Variants in TSPAN5 observed in about 807,000 individuals in gnomAD.
TSPAN5 encodes tetraspanin 5.
Under a neutral mutation model 37.1 loss-of-function variants are expected in TSPAN5, and 10 were observed. The observed-to-expected ratio is 0.27, with a 90% CI of 0.17 to 0.46. The LOEUF (loss-of-function observed/expected upper bound fraction) is 0.46, where lower values mean the gene tolerates loss of function less well. Among genes scored for constraint, TSPAN5 ranks in the 20% least tolerant of loss-of-function variants. The probability of loss-of-function intolerance (pLI) is 1.00; values close to 1 mark genes in which losing one functional copy is unlikely to be tolerated. For synonymous variants in TSPAN5, 110 were observed against 118.9 expected, an observed-to-expected ratio of 0.93 and a Z score of 0.48; for missense variants, 195 against 326.6, an observed-to-expected ratio of 0.60 and a Z score of 3.11.
intron 1 of TSPAN5, among the ~76,000 whole-genome samples, chr4:98,639,174 CGGG>C (rs1167143468): frequency 6.6e-6 from 1 of 152,172 alleles, no homozygotes; most frequent in Non-Finnish European, 1.5e-5. Flanking sequence ...ACTATCCTTA[CGGG>C]GTTCTTGGTC....
intron 2 of TSPAN5, among the ~76,000 whole-genome samples, chr4:98,493,610 G>A (rs1242846220): frequency 2.0e-5 from 3 of 152,190 alleles, no homozygotes; most frequent in African/African-American, 7.2e-5. Flanking sequence ...AGAATGCTAT[G>A]TGGGAAGAAT....
intron 1 of TSPAN5, among the ~76,000 whole-genome samples, chr4:98,530,010 G>C (rs140003213): frequency 6.6e-5 from 10 of 152,330 alleles, no homozygotes; most frequent in African/African-American, 2.4e-4. Context: ...AGTTTCTGCA[G>C]CCTTGACTTC....
chr4:98,604,991 A>G (rs1288434033), intron 1 of TSPAN5, among the ~76,000 whole-genome samples: 1 of 152,178 alleles, frequency 6.6e-6, no homozygotes, highest in Non-Finnish European at 1.5e-5. Context: ...TAGATCCCAA[A>G]CTGAATTCAC....
intron 1 of TSPAN5, among the ~76,000 whole-genome samples, chr4:98,600,009 C>A (rs1471609679): frequency 6.6e-6 from 1 of 152,144 alleles, no homozygotes; most frequent in East Asian, 1.9e-4. Context: ...CATTCTAGAC[C>A]ACAGTACTAA....
At position 98,618,474 on chromosome 4, in the gene TSPAN5, G is replaced by A. The variant is rs149085681; in HGVS notation, c.81+39672C>T. Reference sequence around the variant, plus strand: ...CAATTACATTTGTATAATAGCAGTCGTAATAACTAATATTGATTGAGCTTC... The same window carrying A: ...CAATTACATTTGTATAATAGCAGTCATAATAACTAATATTGATTGAGCTTC... On this transcript the variant is annotated intron_variant, in intron 1 of 7. Transcript: ENST00000305798. Among the ~76,000 whole-genome samples, 9 of 152,246 alleles carry A rather than the reference G, an allele frequency of 5.9e-5. No homozygotes were observed. The East Asian group carries it at 7.7e-4, about 13-fold the overall frequency.
At chr4:98,525,427 C>T (rs570839261) in intron 1 of TSPAN5, among the ~76,000 whole-genome samples, 4 of 152,282 alleles carry the variant, frequency 2.6e-5, no homozygotes, top group African/African-American at 9.6e-5. Flanking sequence ...CGGTCCCTGT[C>T]TGAGTGAGTG....
intron 1 of TSPAN5, among the ~76,000 whole-genome samples, chr4:98,558,414 T>C (rs1250895826): frequency 6.6e-6 from 1 of 152,256 alleles, no homozygotes; most frequent in Admixed American, 6.5e-5. Flanking sequence ...AGTAAATCCA[T>C]ACTGAATTTA....
Position 98,647,758 on chromosome 4 carries a change from C to T in TSPAN5, c.81+10388G>A, listed in dbSNP as rs181635845. ...AAAAATTATACCTTGTGATTCATAA[C>T]TAACAATCCTCTATGTACATATGGA... On this transcript the variant is annotated intron_variant, in intron 1 of 7. Transcript: ENST00000305798. Among the ~76,000 whole-genome samples the T allele has an allele frequency of 3.0e-3, 456 of 152,096 alleles. 3 individuals carry two copies. The highest frequency in any genetic ancestry group is 0.01 in the African/African-American group (432 of 41,494).
At chr4:98,567,315 C>T (rs1755026984) in intron 1 of TSPAN5, among the ~76,000 whole-genome samples, 1 of 152,158 alleles carries the variant, frequency 6.6e-6, no homozygotes, top group African/African-American at 2.4e-5. Flanking sequence ...AAAATAAACA[C>T]TGTTTTTAAC....
At chr4:98,649,458 T>G (rs1035711144) in intron 1 of TSPAN5, among the ~76,000 whole-genome samples, 1 of 152,008 alleles carries the variant, frequency 6.6e-6, no homozygotes, top group African/African-American at 2.4e-5. Flanking sequence ...TTTAATAGAG[T>G]TCACTTGAAA....
chr4:98,657,605 C>T (rs1757318709), intron 1 of TSPAN5: 1 of 172,470 alleles, frequency 5.8e-6, no homozygotes, highest in African/African-American at 2.4e-5. Context: ...ATTACAGGAC[C>T]ATATACCACG....
intron 1 of TSPAN5, among the ~76,000 whole-genome samples, chr4:98,563,500 A>G (rs1189277204): frequency 6.6e-6 from 1 of 152,132 alleles, no homozygotes; most frequent in Non-Finnish European, 1.5e-5. Context: ...TGGCTCATAC[A>G]TTTGAGGCCT....
chr4:98,574,704 C>G (rs995057299), intron 1 of TSPAN5: 1 of 152,184 alleles, frequency 6.6e-6, no homozygotes, highest in Non-Finnish European at 1.5e-5. Context: ...AATGGGAATG[C>G]CATCTCCTCA....
chr4:98,561,706 A>G (rs2110169360), intron 1 of TSPAN5, among the ~76,000 whole-genome samples: 1 of 152,364 alleles, frequency 6.6e-6, no homozygotes, highest in Middle Eastern at 3.4e-3. Context: ...AAGTGTTTCC[A>G]TGCTTGTGTG....
chr4:98,585,370 C>T (rs189597124), intron 1 of TSPAN5, among the ~76,000 whole-genome samples: 28 of 152,026 alleles, frequency 1.8e-4, no homozygotes, highest in African/African-American at 6.0e-4. Flanking sequence ...AGTGCAGTGG[C>T]GCAATCTTGG....
chr4:98,573,536 C>T lies in TSPAN5; in HGVS notation c.82-65808G>A, dbSNP rs143039353. The stretch of plus-strand genomic sequence containing the variant: ...CAGGCTTGAGCCACCATGGCCCAGC[C>T]GAAATACCAACTTTTAAATCATAGT... On this transcript the variant is annotated intron_variant, in intron 1 of 7. Transcript: ENST00000305798. 7.2e-4 allele frequency among the ~76,000 whole-genome samples: 109 copies of T among 152,244 alleles called. 1 individual carries two copies. Among genetic ancestry groups the T allele is most frequent in the African/African-American group, 2.4e-3 (99 of 41,540 alleles).
At chr4:98,567,196 A>T (rs1755023996) in intron 1 of TSPAN5, among the ~76,000 whole-genome samples, 1 of 152,214 alleles carries the variant, frequency 6.6e-6, no homozygotes, top group South Asian at 2.1e-4. Flanking sequence ...GCAGAAGTGC[A>T]AAATACATTC....
chr4:98,499,657 CTTTTTTTTTTT>C (rs757802654), intron 2 of TSPAN5, among the ~76,000 whole-genome samples: 2 of 108,090 alleles, frequency 1.9e-5, no homozygotes, highest in African/African-American at 3.8e-5. Flanking sequence ...GTTTCCAGCT[CTTTTTTTTTTT>C]TTTTTTTTTT....
chr4:98,629,338 G>T (rs569803003), intron 1 of TSPAN5, among the ~76,000 whole-genome samples: 1 of 152,236 alleles, frequency 6.6e-6, no homozygotes, highest in Non-Finnish European at 1.5e-5. Flanking sequence ...AGAATAATGT[G>T]AAAAATAATA....
Sources: gnomAD v4.1 joint callset for allele counts (sites outside exome capture counted in the v4.1 genomes callset) on GRCh38, gnomAD v4.1.1 for gene constraint, MANE v1.5 for transcripts, NCBI Gene and HGNC (gene_info 2026-07-23, HGNC 2026-07-21) for gene names.